Variants in PDE6G observed in about 807,000 individuals in gnomAD.
PDE6G encodes the protein phosphodiesterase 6G, also known as rod cGMP 3',5'-cyclic phosphodiesterase subunit gamma.
Under a neutral mutation model 10.9 loss-of-function variants are expected in PDE6G, and 10 were observed. That is an observed-to-expected ratio of 0.91 (90% CI 0.56 to 1.55). PDE6G has a LOEUF of 1.55. PDE6G is among the 40% of genes most tolerant of loss of function. The pLI, the probability that PDE6G is intolerant of heterozygous loss-of-function variation, is 0.00. For missense variants in PDE6G, 102 were observed against 110.1 expected, an observed-to-expected ratio of 0.93 and a Z score of 0.33; for synonymous variants, 41 against 42.8, an observed-to-expected ratio of 0.96 and a Z score of 0.16.
chr17:81,654,060 C>T (rs995577261), intron 1 of PDE6G, among the ~76,000 whole-genome samples: 2 of 152,208 alleles, frequency 1.3e-5, no homozygotes, highest in African/African-American at 4.8e-5. Context: ...TCATGATCCA[C>T]CCGCCTCAGC....
chr17:81,653,300 G>C lies in PDE6G; in HGVS notation c.6C>G (p.Asn2Lys). The change falls in exon 2 of 4, where the codon AAC becomes AAG. Residue 2 changes from asparagine to lysine, a missense_variant. Physicochemically the swap from Asn to Lys is moderately conservative, Grantham distance 94. Transcript: ENST00000331056. This position sits in a 1 kb window ranked among gnomAD's most constrained non-coding sequence, Gnocchi z 5.2. M[N>K]LEPPKAEFRS... Reference sequence around the variant, plus strand: ...GGAACTCAGCCTTGGGCGGTTCCAGGTTCATGGTGAGGCTGACGGAGACAC... The same window carrying C: ...GGAACTCAGCCTTGGGCGGTTCCAGCTTCATGGTGAGGCTGACGGAGACAC... The C allele has an allele frequency of 1.2e-6, 2 of 1,613,034 alleles. No homozygotes were observed. Among genetic ancestry groups the C allele is most frequent in the Non-Finnish European group, 1.7e-6 (2 of 1,179,840 alleles).
At chr17:81,661,858 C>CA (rs33915100) in intron 1 of PDE6G, among the ~76,000 whole-genome samples, 12,349 of 64,966 alleles carry the variant, frequency 0.19, 1,363 homozygotes, top group East Asian at 0.52. Context: ...GACTCTGTCT[C>CA]AAAAAAAAAA....
At chr17:81,662,421 G>A (rs991231293) in intron 1 of PDE6G, among the ~76,000 whole-genome samples, 1 of 152,122 alleles carries the variant, frequency 6.6e-6, no homozygotes, top group Admixed American at 6.5e-5. Context: ...TCAGGAGTTG[G>A]AGACCTGCCT....
rs368079405 is a variant in PDE6G, at chr17:81,651,042, G to T, written c.*32C>A. 2 of 1,504,120 alleles carry T rather than the reference G, an allele frequency of 1.3e-6. No individual in the cohort carries two copies. Among genetic ancestry groups the T allele is most frequent in the South Asian group, 1.1e-5 (1 of 88,860 alleles). 93.2% of individuals were successfully genotyped at this position (1,504,120 alleles called of 1,614,324 possible). ...GGGTTTAGAGCACAGTGGGCAGGAG[G>T]GGGAGGGTCTGGACTTCAGCAGGGC... On this transcript the variant is annotated 3_prime_UTR_variant, in exon 4 of 4. Transcript: ENST00000331056. This position sits in a 1 kb window ranked among gnomAD's most constrained non-coding sequence, Gnocchi z 4.8.
Position 81,653,427 on chromosome 17 carries a change from C to G in PDE6G, c.-59-63G>C. 1.7e-6 allele frequency: 2 copies of G among 1,183,712 alleles called. No individual in the cohort carries two copies. The highest frequency in any genetic ancestry group is 1.2e-6 in the Non-Finnish European group (1 of 832,418). 73.3% of individuals were successfully genotyped at this position (1,183,712 alleles called of 1,614,324 possible). A position where few individuals can be genotyped will look rare whatever the true frequency, so the allele number is the denominator to read the frequency against. ...CTGCTTCCAACCCTTGTGGGGGTCT[C>G]AACCCACCGGTGGAGGGGCTGAGAC... On this transcript the variant is annotated intron_variant, in intron 1 of 3. Coordinates refer to ENST00000331056, the MANE Select transcript of PDE6G (RefSeq NM_002602.4). This position sits in a 1 kb window ranked among gnomAD's most constrained non-coding sequence, Gnocchi z 5.2.
chr17:81,651,052 T>G lies in PDE6G; in HGVS notation c.*22A>C. 1 of 1,583,900 alleles carries G rather than the reference T, an allele frequency of 6.3e-7. No individual in the cohort carries two copies. Among genetic ancestry groups the G allele is most frequent in the South Asian group, 1.1e-5 (1 of 90,476 alleles). Reference sequence around the variant, plus strand: ...CACAGTGGGCAGGAGGGGGAGGGTCTGGACTTCAGCAGGGCCTCGTGCTAG... The same window carrying G: ...CACAGTGGGCAGGAGGGGGAGGGTCGGGACTTCAGCAGGGCCTCGTGCTAG... On this transcript the variant is annotated 3_prime_UTR_variant, in exon 4 of 4. Coordinates refer to ENST00000331056, the MANE Select transcript of PDE6G (RefSeq NM_002602.4). The surrounding 1 kb of genome is among the most constrained non-coding windows in gnomAD (Gnocchi z 4.8).
rs1054874378 is a variant in PDE6G, at chr17:81,651,860, C to T, written c.147-175G>A. 2.0e-5 allele frequency among the ~76,000 whole-genome samples: 3 copies of T among 152,180 alleles called. No individual in the cohort carries two copies. The highest frequency in any genetic ancestry group is 7.2e-5 in the African/African-American group (3 of 41,438). On this transcript the variant is annotated intron_variant, in intron 2 of 3. Transcript: ENST00000331056. This position sits in a 1 kb window ranked among gnomAD's most constrained non-coding sequence, Gnocchi z 4.8. The stretch of plus-strand genomic sequence containing the variant: ...GGCTTGGCGCATCTGAGGAGGCTTC[C>T]CTCACAGACCCAGGGTGAGTCTGCT...
At chr17:81,663,102 A>G (rs2036529050) in exon 1 of PDE6G, 1 of 152,230 alleles carries the variant, frequency 6.6e-6, no homozygotes, top group South Asian at 2.1e-4. Context: ...AAGGCCGCCC[A>G]GCAGAGAGGA....
upstream of PDE6G, among the ~76,000 whole-genome samples, chr17:81,657,882 A>G (rs11870066): frequency 3.2e-3 from 243 of 77,078 alleles, 1 homozygote; most frequent in Non-Finnish European, 2.7e-3. Flanking sequence ...TTCTGTTTCA[A>G]ATGAATAAAT....
At chr17:81,654,475 G>A (rs532533126) in intron 1 of PDE6G, among the ~76,000 whole-genome samples, 57 of 151,318 alleles carry the variant, frequency 3.8e-4, no homozygotes, top group African/African-American at 1.3e-3. Context: ...TGCCTCCCGG[G>A]TTCAAGTAAT....
chr17:81,655,876 G>A (rs1005911344), intron 1 of PDE6G, among the ~76,000 whole-genome samples: 2 of 152,168 alleles, frequency 1.3e-5, no homozygotes, highest in East Asian at 1.9e-4. Flanking sequence ...TTTTGGGGAC[G>A]CGGGCTCTGC....
In PDE6G at chr17:81,656,533, T is replaced by C. The variant is rs761456753; in HGVS notation, c.-100A>G. ...TCTCAGGGGGCTGTGCTGTGAGTGC[T>C]GGGCCTCCCTCCGCAGGGTGCCAGC... On this transcript the variant is annotated 5_prime_UTR_variant, in exon 1 of 4. Coordinates refer to ENST00000331056, the MANE Select transcript of PDE6G (RefSeq NM_002602.4). The C allele has an allele frequency of 1.7e-5, 13 of 763,786 alleles. No individual in the cohort carries two copies. Among genetic ancestry groups the C allele is most frequent in the Admixed American group, 3.4e-5 (2 of 58,794 alleles). 47.3% of individuals were successfully genotyped at this position (763,786 alleles called of 1,614,324 possible).
At chr17:81,656,399 A>G in intron 1 of PDE6G, 94 bp downstream of exon 1, 2 of 691,426 alleles carry the variant, frequency 2.9e-6, no homozygotes, top group Non-Finnish European at 5.3e-6. Flanking sequence ...AAAGCCTGTC[A>G]GCTCCCTCTG....
chr17:81,662,927 G>T (rs2036527145), intron 1 of PDE6G: 1 of 152,228 alleles, frequency 6.6e-6, no homozygotes, highest in Non-Finnish European at 1.5e-5. Context: ...TTGAACCCAG[G>T]AGGCGGAGGC....
Position 81,651,166 on chromosome 17 carries a change from GC to G in PDE6G, c.188-17del. The G allele has an allele frequency of 6.2e-7, 1 of 1,601,750 alleles. No individual in the cohort carries two copies. The highest frequency in any genetic ancestry group is 8.6e-7 in the Non-Finnish European group (1 of 1,168,764). On this transcript the variant is annotated splice_polypyrimidine_tract_variant and intron_variant, in intron 3 of 3. Transcript: ENST00000331056. The surrounding 1 kb of genome is among the most constrained non-coding windows in gnomAD (Gnocchi z 4.8). Reference sequence around the variant, plus strand: ...ACTGTGATGTCTGTGGGAGAAACGGGCCACGGATCAGAGAGGATCCCACGGC... The same window carrying G: ...ACTGTGATGTCTGTGGGAGAAACGGGCACGGATCAGAGAGGATCCCACGGC...
chr17:81,654,457 G>C lies in PDE6G; in HGVS notation c.-59-1093C>G, dbSNP rs1568187890. On this transcript the variant is annotated intron_variant, in intron 1 of 3. Transcript: ENST00000331056. The stretch of plus-strand genomic sequence containing the variant: ...TGCAGTGGCGAGATCTTGGCTCACT[G>C]CAACTTCTGCCTCCCGGGTTCAAGT... 4.9e-5 allele frequency among the ~76,000 whole-genome samples: 7 copies of C among 144,098 alleles called. No homozygotes were observed. The South Asian group carries it at 1.5e-3, about 31-fold the overall frequency. 94.5% of individuals were successfully genotyped at this position (144,098 alleles called of 152,430 possible).
chr17:81,650,997 C>G lies in PDE6G; in HGVS notation c.*77G>C. ...GCCATCTGGGCTAGGGAGGCATCTC[C>G]TCAACAGGAATCCTGAGCAGGGTTT... On this transcript the variant is annotated 3_prime_UTR_variant, in exon 4 of 4. Coordinates refer to ENST00000331056, the MANE Select transcript of PDE6G (RefSeq NM_002602.4). 1 of 1,127,646 alleles carries G rather than the reference C, an allele frequency of 8.9e-7. No homozygotes were observed. The highest frequency in any genetic ancestry group is 1.5e-5 in the African/African-American group (1 of 65,570). 69.9% of individuals were successfully genotyped at this position (1,127,646 alleles called of 1,614,324 possible). A position where few individuals can be genotyped will look rare whatever the true frequency, so the allele number is the denominator to read the frequency against.
At chr17:81,662,371 C>G (rs2036520324) in intron 1 of PDE6G, among the ~76,000 whole-genome samples, 1 of 152,152 alleles carries the variant, frequency 6.6e-6, no homozygotes, top group African/African-American at 2.4e-5. Flanking sequence ...ACCTGTAATC[C>G]TAGCACTTCA....
upstream of PDE6G, among the ~76,000 whole-genome samples, chr17:81,658,439 C>G (rs1392959051): frequency 6.6e-6 from 1 of 152,020 alleles, no homozygotes; most frequent in East Asian, 1.9e-4. Flanking sequence ...AGGAGGATCC[C>G]TTGAGCCTAG....
Sources: allele counts gnomAD v4.1 joint callset (sites outside exome capture counted in the v4.1 genomes callset), GRCh38; gene constraint gnomAD v4.1.1; non-coding constraint Gnocchi (gnomAD v3.1); transcripts MANE v1.5; gene names NCBI Gene and HGNC (gene_info 2026-07-23, HGNC 2026-07-21).